The following METTL22 variants were observed in gnomAD, a reference collection of about 807,000 sequenced individuals.
METTL22 encodes the protein methyltransferase 22, Kin17 lysine.
In METTL22, 51 loss-of-function variants were observed where a neutral mutation model predicts 48.4. The observed-to-expected ratio is 1.05, with a 90% CI of 0.84 to 1.33. The LOEUF (loss-of-function observed/expected upper bound fraction) is 1.33, where lower values mean the gene tolerates loss of function less well. Among genes scored for constraint, METTL22 ranks in the 40% most tolerant of loss-of-function variants. METTL22 has a pLI of 0.00. For synonymous variants in METTL22, 255 were observed against 214.1 expected (o/e 1.19, Z -1.67); for missense variants, 678 against 526.9 (o/e 1.29, Z -2.81).
chr16:8,650,107 C>T (rs911891535), downstream of METTL22, among the ~76,000 whole-genome samples: 5 of 152,320 alleles, frequency 3.3e-5, no homozygotes, highest in African/African-American at 1.2e-4. Context: ...AGGAGGATTA[C>T]TTGAGGACAG....
At chr16:8,630,577 T>C (rs149724320) in intron 3 of METTL22, among the ~76,000 whole-genome samples, 63 of 152,256 alleles carry the variant, frequency 4.1e-4, no homozygotes, top group Admixed American at 1.3e-3. Context: ...GCCCTCACTG[T>C]TATTAGCCTC....
chr16:8,645,821 C>T (rs62030944), intron 10 of METTL22: 735,561 of 738,438 alleles, frequency 1, 366,413 homozygotes, highest in East Asian at 1. Context: ...TGGAGAGATA[C>T]GGCAACTCAC....
At chr16:8,642,827 CG>C in intron 9 of METTL22, 1 of 534,192 alleles carries the variant, frequency 1.9e-6, no homozygotes, top group South Asian at 2.1e-5. Flanking sequence ...GGCCAGGGCA[CG>C]GCTAGTTAGT....
downstream of METTL22, among the ~76,000 whole-genome samples, chr16:8,654,605 A>C (rs1252931711): frequency 2.0e-5 from 3 of 152,374 alleles, no homozygotes; most frequent in Admixed American, 6.5e-5. Context: ...GCTGTATTTG[A>C]AAACAGATAG....
chr16:8,639,215 T>G, intron 6 of METTL22, 53 bp downstream of exon 6: 2 of 1,550,028 alleles, frequency 1.3e-6, no homozygotes, highest in Middle Eastern at 3.5e-4. Flanking sequence ...GTTTAGCAGA[T>G]AGGACAGACA....
In METTL22 at chr16:8,646,122, C is replaced by G. The variant is rs764629627; in HGVS notation, c.1194C>G (p.Ile398Met). ...GTTTGCTGCAGGAGCTCTGGAAGAT[C>G]ATCGCAGAACCAGTAACATGACCCA... is the stretch of plus-strand genomic sequence containing the variant. Reference protein sequence around the residue: ...ERLQQLELWKIIAEPVT With the variant: ...ERLQQLELWKMIAEPVT Residue 398 changes from isoleucine to methionine, a missense_variant, in exon 11 of 11, where the codon ATC becomes ATG. Ile to Met is a conservative substitution (Grantham distance 10). Transcript: ENST00000381920. 1 of 1,528,288 alleles carries G rather than the reference C, an allele frequency of 6.5e-7. No individual in the cohort carries two copies. The highest frequency in any genetic ancestry group is 2.4e-5 in the East Asian group (1 of 41,130). The allele number at this position is 1,528,288 out of a possible 1,614,324, so 94.7% of individuals were successfully genotyped here.
chr16:8,662,375 C>T, the METTL22 span, among the ~76,000 whole-genome samples: 12 of 145,376 alleles, frequency 8.3e-5, 1 homozygote, highest in African/African-American at 3.1e-4. Context: ...ATCCAGGAGC[C>T]TTGTGGATTG....
At chr16:8,664,379 C>T in the METTL22 span, among the ~76,000 whole-genome samples, 1 of 152,236 alleles carries the variant, frequency 6.6e-6, no homozygotes. Context: ...CTCCTGACCT[C>T]AGGTGATCCA....
rs79391743 is a variant in METTL22 at position 8,627,038 on chromosome 16, C to G, written c.133+1240C>G. Among the ~76,000 whole-genome samples the G allele has an allele frequency of 7.0e-3, 1,072 of 152,186 alleles. 12 individuals carry two copies. Among genetic ancestry groups the G allele is most frequent in the African/African-American group, 0.025 (1,024 of 41,514 alleles). Reference sequence around the variant, plus strand: ...CCTCGGCCTCCCAAAGTGTCCTCTGCTCTTTATCCCCACTCCCTTTACCCT... The same window carrying G: ...CCTCGGCCTCCCAAAGTGTCCTCTGGTCTTTATCCCCACTCCCTTTACCCT... On this transcript the variant is annotated intron_variant, in intron 2 of 10. Transcript: ENST00000381920.
chr16:8,664,241 T>C, the METTL22 span, among the ~76,000 whole-genome samples: 14 of 152,164 alleles, frequency 9.2e-5, no homozygotes, highest in African/African-American at 3.4e-4. Context: ...ACATTTTCTA[T>C]TTCTTTGCAA....
chr16:8,630,080 G>A (rs774107198), intron 3 of METTL22, among the ~76,000 whole-genome samples: 12 of 152,128 alleles, frequency 7.9e-5, no homozygotes, highest in African/African-American at 1.2e-4. Context: ...CAGGGTCCCC[G>A]ATGGTGTCTT....
intron 10 of METTL22, chr16:8,645,039 G>T (rs1443251506): frequency 4.7e-6 from 1 of 211,714 alleles, no homozygotes; most frequent in Admixed American, 5.9e-5. Context: ...TGGGGAACAG[G>T]AAGTCAGTGG....
chr16:8,663,336 C>G, the METTL22 span, among the ~76,000 whole-genome samples: 1 of 151,926 alleles, frequency 6.6e-6, no homozygotes, highest in African/African-American at 2.4e-5. Flanking sequence ...GCGTCCTGCT[C>G]AACAGTTAAT....
At chr16:8,638,330 T>A (rs113836889) in intron 5 of METTL22, among the ~76,000 whole-genome samples, 103 of 152,282 alleles carry the variant, frequency 6.8e-4, no homozygotes, top group African/African-American at 2.5e-3. Flanking sequence ...ACGCCCACAG[T>A]GGACCAAGCA....
chr16:8,621,810 G>C (rs1395855177), intron 1 of METTL22, 35 bp downstream of exon 1: 1 of 152,304 alleles, frequency 6.6e-6, no homozygotes, highest in Non-Finnish European at 1.5e-5. Flanking sequence ...GATAGGGTAG[G>C]GTGCAGGGAA....
chr16:8,649,781 GC>G (rs1345377499), downstream of METTL22: 6 of 150,286 alleles, frequency 4.0e-5, no homozygotes, highest in African/African-American at 1.5e-4. Context: ...TCTACCCTGG[GC>G]AACAAGAATG....
At chr16:8,660,801 AG>A in the METTL22 span, among the ~76,000 whole-genome samples, 4 of 3,868 alleles carry the variant, frequency 1.0e-3, no homozygotes, top group Admixed American at 0.014. Flanking sequence ...GAGGAGGAGG[AG>A]GAGGAGGAGG....
At position 8,629,163 on chromosome 16, in the gene METTL22, C is replaced by T. The variant is rs985428430; in HGVS notation, c.514+53C>T. 4 of 1,574,546 alleles carry T rather than the reference C, an allele frequency of 2.5e-6. No homozygotes were observed. The South Asian group carries it at 4.7e-5, about 18-fold the overall frequency. On this transcript the variant is annotated intron_variant, in intron 3 of 10. Transcript: ENST00000381920. ...TGTCACCAAGGCAACTCCGCAGTGT[C>T]ACTGCTCAGGGCTCAGTATGATCTG...
At chr16:8,665,589 C>G in the METTL22 span, among the ~76,000 whole-genome samples, 1 of 152,314 alleles carries the variant, frequency 6.6e-6, no homozygotes, top group African/African-American at 2.4e-5. Flanking sequence ...AACAAGTACC[C>G]AGCTTGAAGA....
Sources: allele counts gnomAD v4.1 joint callset (sites outside exome capture counted in the v4.1 genomes callset), GRCh38; gene constraint gnomAD v4.1.1; transcripts MANE v1.5; gene names NCBI Gene and HGNC (gene_info 2026-07-23, HGNC 2026-07-21).